The following AKAP11 variants were observed in gnomAD, a reference collection of about 807,000 sequenced individuals.
AKAP11 encodes the protein A-kinase anchor protein 11.
In AKAP11, 36 loss-of-function variants were observed where a neutral mutation model predicts 146.1. The ratio of observed to expected loss-of-function variants is 0.25; its 90% CI spans 0.19 to 0.33. The LOEUF (loss-of-function observed/expected upper bound fraction) is 0.33, where lower values mean the gene tolerates loss of function less well. Among genes scored for constraint, AKAP11 ranks in the 10% least tolerant of loss-of-function variants. The pLI is 1.00. For synonymous variants in AKAP11, 780 were observed against 786.5 expected, an observed-to-expected ratio of 0.99 and a Z score of 0.14; for missense variants, 2,201 against 2,197.0, an observed-to-expected ratio of 1.00 and a Z score of -0.04.
At chr13:42,278,908 C>G (rs1478216911) in intron 1 of AKAP11, among the ~76,000 whole-genome samples, 2 of 148,592 alleles carry the variant, frequency 1.3e-5, no homozygotes, top group East Asian at 3.9e-4. Context: ...AATACATTTT[C>G]ATTGAGTATA....
rs1213619307 is a variant in AKAP11 at position 42,322,069 on chromosome 13, T to A, written c.*2841T>A. On this transcript the variant is annotated 3_prime_UTR_variant, in exon 13 of 13. Transcript: ENST00000025301. ...TGATTTGTACAAAAGGAATGTTTCC[T>A]TTATAAATCACAGAAGAAAATGACA... The A allele has an allele frequency of 6.6e-6, 1 of 152,318 alleles. No individual in the cohort carries two copies. The highest frequency in any genetic ancestry group is 1.5e-5 in the Non-Finnish European group (1 of 67,996). 9.4% of individuals were successfully genotyped at this position (152,318 alleles called of 1,614,324 possible). A position where few individuals can be genotyped will look rare whatever the true frequency, so the allele number is the denominator to read the frequency against.
chr13:42,285,218 G>GT (rs1040809351), intron 1 of AKAP11, among the ~76,000 whole-genome samples: 2 of 151,796 alleles, frequency 1.3e-5, no homozygotes, highest in South Asian at 2.1e-4. Flanking sequence ...TTGTCTTTTT[G>GT]TTTTTTTCAG....
chr13:42,273,687 G>A (rs1958838826), intron 1 of AKAP11, among the ~76,000 whole-genome samples: 1 of 152,198 alleles, frequency 6.6e-6, no homozygotes, highest in African/African-American at 2.4e-5. Flanking sequence ...GAACCATAGT[G>A]AGAAATTCTC....
intron 11 of AKAP11, among the ~76,000 whole-genome samples, chr13:42,315,464 A>G (rs1192075018): frequency 6.6e-6 from 1 of 152,236 alleles, no homozygotes; most frequent in Non-Finnish European, 1.5e-5. Flanking sequence ...CTCAAGTAAC[A>G]TCTGTGAACA....
chr13:42,296,522 G>A (rs1482233573), intron 5 of AKAP11, among the ~76,000 whole-genome samples: 2 of 151,896 alleles, frequency 1.3e-5, no homozygotes, highest in African/African-American at 4.8e-5. Flanking sequence ...TGTGTATAAA[G>A]GGCAAACAAG....
chr13:42,296,581 A>G (rs889190522), intron 5 of AKAP11, among the ~76,000 whole-genome samples: 1 of 152,108 alleles, frequency 6.6e-6, no homozygotes, highest in Non-Finnish European at 1.5e-5. Flanking sequence ...CATTAAAATT[A>G]TCAGTTAAAG....
At chr13:42,273,921 C>T (rs936800977) in intron 1 of AKAP11, among the ~76,000 whole-genome samples, 19 of 152,114 alleles carry the variant, frequency 1.2e-4, no homozygotes, top group Admixed American at 2.0e-4. Flanking sequence ...TCTGTCTATA[C>T]GTGACAAAAA....
chr13:42,307,537 G>C (rs1010296402), intron 8 of AKAP11, among the ~76,000 whole-genome samples: 1 of 152,092 alleles, frequency 6.6e-6, no homozygotes, highest in Non-Finnish European at 1.5e-5. Flanking sequence ...AGTGATACTT[G>C]AGCCAAAAAC....
intron 4 of AKAP11, among the ~76,000 whole-genome samples, chr13:42,294,627 C>G (rs1405736371): frequency 6.6e-6 from 1 of 152,096 alleles, no homozygotes; most frequent in African/African-American, 2.4e-5. Context: ...TGGTCTTGAA[C>G]TGGCCTCAAG....
intron 3 of AKAP11, among the ~76,000 whole-genome samples, chr13:42,291,393 C>G (rs1307747360): frequency 6.6e-6 from 1 of 152,174 alleles, no homozygotes; most frequent in African/African-American, 2.4e-5. Flanking sequence ...GCTGGGATTA[C>G]AGGCACGTGG....
rs772025446 is a variant in AKAP11, at chr13:42,301,301, C to A, written c.2555C>A (p.Pro852Gln). ...HNPGNQNDFK[P>Q]TNDDIEMQSS... is the part of the protein sequence containing the mutation. ...CCAGGTAATCAGAATGATTTTAAAC[C>A]AACTAATGACGATATTGAAATGCAG... The change falls in exon 8 of 13, where the codon CCA becomes CAA. Residue 852 changes from proline (P) to glutamine (Q), a missense_variant. Coordinates refer to ENST00000025301, the MANE Select transcript of AKAP11 (RefSeq NM_016248.4). The A allele has an allele frequency of 3.1e-6, 5 of 1,613,486 alleles. No individual in the cohort carries two copies. The African/African-American group carries it at 6.7e-5, about 22-fold the overall frequency.
At chr13:42,308,398 G>C in intron 8 of AKAP11, 56 bp from the exon 9 acceptor site, 3 of 1,422,826 alleles carry the variant, frequency 2.1e-6, no homozygotes, top group Non-Finnish European at 2.9e-6. Flanking sequence ...AGTCTTGTAA[G>C]TTCAGAATCT....
At position 42,302,789 on chromosome 13, in the gene AKAP11, A is replaced by G. The variant is rs201683165; in HGVS notation, c.4043A>G (p.His1348Arg). ...CESVTDEYAG[H>R]LIQILKQEGG... ...AGTGTGACAGATGAATATGCAGGTC[A>G]CCTTATTCAGATACTAAAACAGGAA... The change falls in exon 8 of 13, where the codon CAC becomes CGC. Residue 1348 changes from histidine (H) to arginine (R), a missense_variant. His to Arg is a conservative substitution (Grantham distance 29). This residue lies in a region of AKAP11 where 1,867 missense variants were observed against 1,833.5 expected (regional missense o/e 1.02). Coordinates refer to ENST00000025301, the MANE Select transcript of AKAP11 (RefSeq NM_016248.4). The G allele has an allele frequency of 1.2e-6, 2 of 1,614,132 alleles. No homozygotes were observed. Among genetic ancestry groups the G allele is most frequent in the African/African-American group, 1.3e-5 (1 of 75,038 alleles).
chr13:42,282,608 A>G (rs1056624726), intron 1 of AKAP11, among the ~76,000 whole-genome samples: 4 of 152,040 alleles, frequency 2.6e-5, no homozygotes, highest in East Asian at 3.9e-4. Context: ...AATTGCTTTC[A>G]TTTGTTTACT....
rs78788640 is a variant in AKAP11 at position 42,294,158 on chromosome 13, C to G, written c.169-1537C>G. 1.6e-3 allele frequency among the ~76,000 whole-genome samples: 238 copies of G among 152,188 alleles called. 1 individual carries two copies. Among genetic ancestry groups the G allele is most frequent in the African/African-American group, 5.5e-3 (228 of 41,528 alleles). On this transcript the variant is annotated intron_variant, in intron 4 of 12. Coordinates refer to ENST00000025301, the MANE Select transcript of AKAP11 (RefSeq NM_016248.4). ...TGCTTCTGAATCATCAGAAATAGATCGAAAATATATTCAGTGTTGCTATAT... is the reference window on the plus strand; with the variant it reads ...TGCTTCTGAATCATCAGAAATAGATGGAAAATATATTCAGTGTTGCTATAT...
At chr13:42,272,808 T>C (rs1176393765) in intron 1 of AKAP11, among the ~76,000 whole-genome samples, 1 of 152,224 alleles carries the variant, frequency 6.6e-6, no homozygotes, top group African/African-American at 2.4e-5. Context: ...AGGCTGTTAA[T>C]GGCTTAAGGC....
At chr13:42,274,322 A>C (rs182300318) in intron 1 of AKAP11, among the ~76,000 whole-genome samples, 9 of 152,202 alleles carry the variant, frequency 5.9e-5, no homozygotes, top group Admixed American at 5.9e-4. Flanking sequence ...TATCAGTTTA[A>C]AAACAGCCTG....
At chr13:42,308,411 G>T in intron 8 of AKAP11, 43 bp from the exon 9 acceptor site, 1 of 1,477,696 alleles carries the variant, frequency 6.8e-7, no homozygotes, top group South Asian at 1.3e-5. Flanking sequence ...CAGAATCTGG[G>T]ATGCTTTCAA....
rs1594333561 is a variant in AKAP11, at chr13:42,300,517, G to C, written c.1771G>C (p.Val591Leu). Residue 591 changes from valine to leucine, a missense_variant, in exon 8 of 13, where the codon GTT (valine) becomes CTT (leucine). By Grantham distance (32) the Val-to-Leu change is conservative (BLOSUM62 1). Around this residue, in one of 3 missense-constraint regions of AKAP11, gnomAD observed 1,867 missense variants for 1,833.5 expected, o/e 1.02. Coordinates refer to ENST00000025301, the MANE Select transcript of AKAP11 (RefSeq NM_016248.4). ...CTTAGCCATCAAATTGACATCATCTGTTTTGCAGATGGCATTTGATGAGCT... is the reference window on the plus strand; with the variant it reads ...CTTAGCCATCAAATTGACATCATCTCTTTTGCAGATGGCATTTGATGAGCT... Reference protein sequence around the residue: ...YHLAIKLTSSVLQMAFDELRR... With the variant: ...YHLAIKLTSSLLQMAFDELRR... The C allele has an allele frequency of 1.2e-6, 2 of 1,613,970 alleles. No individual in the cohort carries two copies. The highest frequency in any genetic ancestry group is 1.7e-6 in the Non-Finnish European group (2 of 1,179,984).
Sources: gnomAD v4.1 joint callset for allele counts (sites outside exome capture counted in the v4.1 genomes callset) on GRCh38, gnomAD v4.1.1 for gene constraint, gnomAD v4.1.1 regional missense constraint, MANE v1.5 for transcripts, NCBI Gene and HGNC (gene_info 2026-07-23, HGNC 2026-07-21) for gene names.